Variants in RTL6 observed in about 807,000 individuals in gnomAD.
RTL6 encodes the protein retrotransposon Gag-like protein 6.
A neutral mutation model predicts 12.4 loss-of-function variants in RTL6; 9 were observed. That is an observed-to-expected ratio of 0.73 (90% confidence interval 0.44 to 1.27). The LOEUF (loss-of-function observed/expected upper bound fraction) is 1.27, where lower values mean the gene tolerates loss of function less well. Among genes scored for constraint, RTL6 ranks in the 50% most tolerant of loss-of-function variants. RTL6 has a pLI of 0.00. For missense variants in RTL6, 291 were observed against 330.7 expected (o/e 0.88, Z 0.93); for synonymous variants, 160 against 142.8 (o/e 1.12, Z -0.86).
rs1446996547 is a variant in RTL6 at position 44,498,133 on chromosome 22, A to G, written c.-345T>C. 1 of 151,166 alleles carries G rather than the reference A, an allele frequency of 6.6e-6. No individual in the cohort carries two copies. Among genetic ancestry groups the G allele is most frequent in the African/African-American group, 2.4e-5 (1 of 41,158 alleles). The allele number at this position is 151,166 out of a possible 1,614,324, so 9.4% of individuals were successfully genotyped here. The stretch of plus-strand genomic sequence containing the variant: ...GGGGACGCGGCCAGGCCGATGAATC[A>G]CCGCGCGGACCGCCGAGAACTGCTT... On this transcript the variant is annotated 5_prime_UTR_variant, in exon 1 of 2. Transcript: ENST00000341255.
chr22:44,497,167 G>A lies in RTL6; in HGVS notation c.390C>T (p.Phe130=). The change falls in exon 2 of 2, where the codon TTC becomes TTT. Residue 130 remains phenylalanine (F), a synonymous_variant. Transcript: ENST00000341255. ...AGGCCACACGCTCGGCCTCACCCGG[G>A]AAGCGGGAGGCCTGGAAGATCATGA... ...DRFMIFQASR[F]PGEAERVAFL... is the part of the protein sequence containing the mutation. The A allele has an allele frequency of 6.2e-7, 1 of 1,613,902 alleles. No homozygotes were observed. Among genetic ancestry groups the A allele is most frequent in the Non-Finnish European group, 8.5e-7 (1 of 1,179,798 alleles).
Position 44,496,283 on chromosome 22 carries a change from G to A in RTL6, c.*554C>T, listed in dbSNP as rs1243173619. ...CACTCGACCACTACAGCACAGATGA[G>A]GCCCTGCCCGCTGCACCGGGCCCTG... On this transcript the variant is annotated 3_prime_UTR_variant, in exon 2 of 2. Coordinates refer to ENST00000341255, the MANE Select transcript of RTL6 (RefSeq NM_032287.3). 6.4e-6 allele frequency: 1 copy of A among 155,382 alleles called. No homozygotes were observed. Among genetic ancestry groups the A allele is most frequent in the Non-Finnish European group, 1.4e-5 (1 of 70,480 alleles). The allele number at this position is 155,382 out of a possible 1,614,324, so 9.6% of individuals were successfully genotyped here.
rs1924499499 is a variant in RTL6 at position 44,497,804 on chromosome 22, T to C, written c.-248A>G. The C allele has an allele frequency of 8.9e-6, 5 of 563,356 alleles. No homozygotes were observed. The South Asian group carries it at 1.2e-4, about 13-fold the overall frequency. The allele number at this position is 563,356 out of a possible 1,614,324, so 34.9% of individuals were successfully genotyped here. A position where few individuals can be genotyped will look rare whatever the true frequency, so the allele number is the denominator to read the frequency against. ...GAGCCAGACGGGTGGCTGGACCTGC[T>C]CTGGGCCCTGGAGGATTAAGAAAAG... On this transcript the variant is annotated 5_prime_UTR_variant, in exon 2 of 2. Coordinates refer to ENST00000341255, the MANE Select transcript of RTL6 (RefSeq NM_032287.3).
rs1924413120 is a variant in RTL6 at position 44,495,307 on chromosome 22, T to C, written c.*1530A>G. ...AGGCCCAAGGACCCAATCTCTGGGA[T>C]CCCAAGACATATACATGTCTTTAGG... On this transcript the variant is annotated 3_prime_UTR_variant, in exon 2 of 2. Transcript: ENST00000341255. 6.6e-6 allele frequency: 1 copy of C among 152,636 alleles called. No homozygotes were observed. Among genetic ancestry groups the C allele is most frequent in the Non-Finnish European group, 1.5e-5 (1 of 68,040 alleles). 9.5% of individuals were successfully genotyped at this position (152,636 alleles called of 1,614,324 possible).
Position 44,497,315 on chromosome 22 carries a change from G to C in RTL6, c.242C>G (p.Pro81Arg), listed in dbSNP as rs759163436. 6.2e-7 allele frequency: 1 copy of C among 1,613,810 alleles called. No individual in the cohort carries two copies. Among genetic ancestry groups the C allele is most frequent in the South Asian group, 1.1e-5 (1 of 91,080 alleles). ...GTTTGAAGTAATTGAGGAGATGGGC[G>C]GGGTGATCTGCAGAGCCCCCGGGAT... The part of the protein sequence containing the change: ...ARIPGALQIT[P>R]PISSITSNGT... The change falls in exon 2 of 2, where the codon CCG becomes CGG. Residue 81 changes from proline to arginine, a missense_variant. Around this residue, in one of 3 missense-constraint regions of RTL6, gnomAD observed 155 missense variants for 149.2 expected, o/e 1.04. Transcript: ENST00000341255.
rs770901093 is a variant in RTL6 at position 44,497,388 on chromosome 22, G to A, written c.169C>T (p.Leu57=). ...GTCAGCTCTGCCATCACGCTCTCCAGCATGTTGGTGAGATTGGCCTTCTCC... is the reference window on the plus strand; with the variant it reads ...GTCAGCTCTGCCATCACGCTCTCCAACATGTTGGTGAGATTGGCCTTCTCC... ...RAEKANLTNM[L]ESVMAELTLL... is the part of the protein sequence containing the mutation. Residue 57 remains leucine (L), a synonymous_variant, in exon 2 of 2, where the codon CTG becomes TTG. Coordinates refer to ENST00000341255, the MANE Select transcript of RTL6 (RefSeq NM_032287.3). 25 of 1,613,954 alleles carry A rather than the reference G, an allele frequency of 1.5e-5. 1 individual carries two copies. In the South Asian group the frequency reaches 2.7e-4, roughly 18 times the overall value.
chr22:44,497,598 C>T lies in RTL6; in HGVS notation c.-42G>A, dbSNP rs1381819920. The T allele has an allele frequency of 6.9e-6, 11 of 1,597,684 alleles. No individual in the cohort carries two copies. In the East Asian group the frequency reaches 1.6e-4, roughly 23 times the overall value. ...CCACACGCTGAGATCCGCGGGTGGA[C>T]CAAGAGGGTGTGGTGACCAGGTGGG... On this transcript the variant is annotated 5_prime_UTR_variant, in exon 2 of 2. Transcript: ENST00000341255.
At position 44,494,196 on chromosome 22, in the gene RTL6, C is replaced by T. The variant is rs533768532; in HGVS notation, c.*2641G>A. On this transcript the variant is annotated 3_prime_UTR_variant, in exon 2 of 2. Coordinates refer to ENST00000341255, the MANE Select transcript of RTL6 (RefSeq NM_032287.3). ...CCATGGAAAACAGAACTTTCCTTCA[C>T]ATGCACTGTTGAACACTACTGCCTG... The T allele has an allele frequency of 1.9e-4, 29 of 152,390 alleles. No individual in the cohort carries two copies. Among genetic ancestry groups the T allele is most frequent in the African/African-American group, 6.3e-4 (26 of 41,570 alleles). 9.4% of individuals were successfully genotyped at this position (152,390 alleles called of 1,614,324 possible).
rs1205320683 is a variant in RTL6 at position 44,496,896 on chromosome 22, G to A, written c.661C>T (p.Pro221Ser). 1 of 1,604,492 alleles carries A rather than the reference G, an allele frequency of 6.2e-7. No individual in the cohort carries two copies. Among genetic ancestry groups the A allele is most frequent in the Non-Finnish European group, 8.5e-7 (1 of 1,174,106 alleles). Reference sequence around the variant, plus strand: ...GCTGGACTAGTCCCGTTGGAAGCTGGATGCACTGGGCAAGGCCCCGTGCCC... The same window carrying A: ...GCTGGACTAGTCCCGTTGGAAGCTGAATGCACTGGGCAAGGCCCCGTGCCC... ...SAGTGPCPVH[P>S]ASNGTSPAPA... is the part of the protein sequence containing the mutation. Residue 221 changes from proline to serine, a missense_variant, in exon 2 of 2, where the codon CCA becomes TCA. Pro to Ser is a moderately conservative substitution (Grantham distance 74). Transcript: ENST00000341255.
In RTL6 at chr22:44,493,403, A is replaced by G. The variant is rs1408124490; in HGVS notation, c.*3434T>C. The G allele has an allele frequency of 6.6e-6, 1 of 152,158 alleles. No individual in the cohort carries two copies. Among genetic ancestry groups the G allele is most frequent in the Non-Finnish European group, 1.5e-5 (1 of 68,056 alleles). The allele number at this position is 152,158 out of a possible 1,614,324, so 9.4% of individuals were successfully genotyped here. On this transcript the variant is annotated 3_prime_UTR_variant, in exon 2 of 2. Coordinates refer to ENST00000341255, the MANE Select transcript of RTL6 (RefSeq NM_032287.3). Reference sequence around the variant, plus strand: ...AGGAGCTGGGTTTCCTCCCATCTCTACCGCATCTGCGCTGTGCCAACTGCC... The same window carrying G: ...AGGAGCTGGGTTTCCTCCCATCTCTGCCGCATCTGCGCTGTGCCAACTGCC...
In RTL6 at chr22:44,497,773, A is replaced by C. The variant is rs1175330464; in HGVS notation, c.-217T>G. The stretch of plus-strand genomic sequence containing the variant: ...GGCTCCTTTACTGCAGACTTCGCGG[A>C]CTACGGAGCCAGACGGGTGGCTGGA... On this transcript the variant is annotated 5_prime_UTR_variant, in exon 2 of 2. Transcript: ENST00000341255. 3.3e-6 allele frequency: 2 copies of C among 613,232 alleles called. No homozygotes were observed. Among genetic ancestry groups the C allele is most frequent in the East Asian group, 5.8e-5 (2 of 34,718 alleles). The allele number at this position is 613,232 out of a possible 1,614,324, so 38.0% of individuals were successfully genotyped here.
In RTL6 at chr22:44,496,966, C is replaced by A; in HGVS notation, c.591G>T (p.Arg197Ser). The stretch of plus-strand genomic sequence containing the variant: ...AGAGCATCTGCCTCTCTCGCACAGC[C>A]CTATTAGAGGCAGAAGTCTTCCTGA... Reference protein sequence around the residue: ...AQIRKTSASNRAVRERQMLCR... With the variant: ...AQIRKTSASNSAVRERQMLCR... The change falls in exon 2 of 2, where the codon AGG (arginine) becomes AGT (serine). Residue 197 changes from arginine (R) to serine (S), a missense_variant. This residue lies in a region of RTL6 where 132 missense variants were observed against 163.9 expected (regional missense o/e 0.81). Coordinates refer to ENST00000341255, the MANE Select transcript of RTL6 (RefSeq NM_032287.3). 2 of 1,613,920 alleles carry A rather than the reference C, an allele frequency of 1.2e-6. No individual in the cohort carries two copies. Among genetic ancestry groups the A allele is most frequent in the Non-Finnish European group, 1.7e-6 (2 of 1,179,970 alleles).
At position 44,496,758 on chromosome 22, in the gene RTL6, C is replaced by A; in HGVS notation, c.*79G>T. 3 of 1,482,042 alleles carry A rather than the reference C, an allele frequency of 2.0e-6. No homozygotes were observed. The highest frequency in any genetic ancestry group is 2.7e-6 in the Non-Finnish European group (3 of 1,109,332). The allele number at this position is 1,482,042 out of a possible 1,614,324, so 91.8% of individuals were successfully genotyped here. On this transcript the variant is annotated 3_prime_UTR_variant, in exon 2 of 2. Transcript: ENST00000341255. ...GGTCTTCAAACAGGGGCAAAGCTGT[C>A]GTATGGGCATTTCTTCTACACAGCA...
rs1159640784 is a variant in RTL6 at position 44,497,390 on chromosome 22, A to T, written c.167T>A (p.Met56Lys). 3 of 1,613,948 alleles carry T rather than the reference A, an allele frequency of 1.9e-6. No homozygotes were observed. Among genetic ancestry groups the T allele is most frequent in the Admixed American group, 1.7e-5 (1 of 60,010 alleles). ...CAGCTCTGCCATCACGCTCTCCAGC[A>T]TGTTGGTGAGATTGGCCTTCTCCGC... ...LRAEKANLTN[M>K]LESVMAELTL... The change falls in exon 2 of 2, where the codon ATG becomes AAG. Residue 56 changes from methionine to lysine, a missense_variant. Met to Lys is a moderately conservative substitution (Grantham distance 95, BLOSUM62 -1). Coordinates refer to ENST00000341255, the MANE Select transcript of RTL6 (RefSeq NM_032287.3).
At position 44,494,779 on chromosome 22, in the gene RTL6, T is replaced by G. The variant is rs1410050488; in HGVS notation, c.*2058A>C. The G allele has an allele frequency of 2.0e-5, 3 of 152,106 alleles. No homozygotes were observed. The highest frequency in any genetic ancestry group is 7.3e-5 in the African/African-American group (3 of 41,362). 9.4% of individuals were successfully genotyped at this position (152,106 alleles called of 1,614,324 possible). A position where few individuals can be genotyped will look rare whatever the true frequency, so the allele number is the denominator to read the frequency against. ...GCCTGACACAGACATGGTAGGGCTT[T>G]CAAAAAGCCACTCGAGTAGAGTGAG... On this transcript the variant is annotated 3_prime_UTR_variant, in exon 2 of 2. Coordinates refer to ENST00000341255, the MANE Select transcript of RTL6 (RefSeq NM_032287.3).
At position 44,497,315 on chromosome 22, in the gene RTL6, G is replaced by A. The variant is rs759163436; in HGVS notation, c.242C>T (p.Pro81Leu). The A allele has an allele frequency of 5.6e-6, 9 of 1,613,808 alleles. No individual in the cohort carries two copies. Among genetic ancestry groups the A allele is most frequent in the East Asian group, 2.2e-5 (1 of 44,866 alleles). Residue 81 changes from proline to leucine, a missense_variant, in exon 2 of 2, where the codon CCG (proline) becomes CTG (leucine). Physicochemically the swap from Pro to Leu is moderately conservative, Grantham distance 98 (BLOSUM62 -3). Around this residue, in one of 3 missense-constraint regions of RTL6, gnomAD observed 155 missense variants for 149.2 expected, o/e 1.04. Transcript: ENST00000341255. Reference sequence around the variant, plus strand: ...GTTTGAAGTAATTGAGGAGATGGGCGGGGTGATCTGCAGAGCCCCCGGGAT... The same window carrying A: ...GTTTGAAGTAATTGAGGAGATGGGCAGGGTGATCTGCAGAGCCCCCGGGAT... ...ARIPGALQIT[P>L]PISSITSNGT...
Position 44,497,596 on chromosome 22 carries a change from G to T in RTL6, c.-40C>A. The T allele has an allele frequency of 1.3e-6, 2 of 1,598,856 alleles. No individual in the cohort carries two copies. The highest frequency in any genetic ancestry group is 8.5e-7 in the Non-Finnish European group (1 of 1,172,476). On this transcript the variant is annotated 5_prime_UTR_variant, in exon 2 of 2. Coordinates refer to ENST00000341255, the MANE Select transcript of RTL6 (RefSeq NM_032287.3). Reference sequence around the variant, plus strand: ...AGCCACACGCTGAGATCCGCGGGTGGACCAAGAGGGTGTGGTGACCAGGTG... The same window carrying T: ...AGCCACACGCTGAGATCCGCGGGTGTACCAAGAGGGTGTGGTGACCAGGTG...
Position 44,497,346 on chromosome 22 carries a change from C to A in RTL6, c.211G>T (p.Ala71Ser). ...ATCTGCAGAGCCCCCGGGATCCGCG[C>A]CCTGGTGCGTAACAAGGTCAGCTCT... ...MAELTLLRTRARIPGALQITP... is the reference protein window; with the variant it reads ...MAELTLLRTRSRIPGALQITP... The change falls in exon 2 of 2, where the codon GCG becomes TCG. Residue 71 changes from alanine (A) to serine (S), a missense_variant. By Grantham distance (99) the Ala-to-Ser change is moderately conservative. Around this residue, in one of 3 missense-constraint regions of RTL6, gnomAD observed 155 missense variants for 149.2 expected, o/e 1.04. Transcript: ENST00000341255. 1 of 1,612,838 alleles carries A rather than the reference C, an allele frequency of 6.2e-7. No individual in the cohort carries two copies. The highest frequency in any genetic ancestry group is 8.5e-7 in the Non-Finnish European group (1 of 1,178,942).
At position 44,497,424 on chromosome 22, in the gene RTL6, T is replaced by C. The variant is rs1352618818; in HGVS notation, c.133A>G (p.Thr45Ala). The C allele has an allele frequency of 1.9e-6, 3 of 1,613,962 alleles. No homozygotes were observed. The highest frequency in any genetic ancestry group is 2.5e-6 in the Non-Finnish European group (3 of 1,179,970). ...AGATTGGCCTTCTCCGCCCGCAGGG[T>C]GGAAGCCTCCCGCCTCAGCGCCGAG... ...TNSALRREAS[T>A]LRAEKANLTN... The change falls in exon 2 of 2, where the codon ACC becomes GCC. Residue 45 changes from threonine to alanine, a missense_variant. Thr to Ala is a moderately conservative substitution (Grantham distance 58). Around this residue, in one of 3 missense-constraint regions of RTL6, gnomAD observed 155 missense variants for 149.2 expected, o/e 1.04. Transcript: ENST00000341255.
Sources: gnomAD v4.1 joint callset for allele counts on GRCh38, gnomAD v4.1.1 for gene constraint, gnomAD v4.1.1 regional missense constraint, MANE v1.5 for transcripts, NCBI Gene and HGNC (gene_info 2026-07-23, HGNC 2026-07-21) for gene names.